The following STXBP5L variants were observed in gnomAD, a reference collection of about 807,000 sequenced individuals.
STXBP5L encodes syntaxin binding protein 5L.
Under a neutral mutation model 144.5 loss-of-function variants are expected in STXBP5L, and 65 were observed. That is an observed-to-expected ratio of 0.45 (90% CI 0.37 to 0.55). STXBP5L has a LOEUF of 0.55. Among genes scored for constraint, STXBP5L ranks in the 20% least tolerant of loss-of-function variants. The probability of loss-of-function intolerance (pLI) is 0.00; values close to 1 mark genes in which losing one functional copy is unlikely to be tolerated. For synonymous variants in STXBP5L, 505 were observed against 469.6 expected, an observed-to-expected ratio of 1.08 and a Z score of -0.97; for missense variants, 1,298 against 1,405.5, an observed-to-expected ratio of 0.92 and a Z score of 1.22.
intron 18 of STXBP5L, among the ~76,000 whole-genome samples, chr3:121,276,072 C>CT (rs796511407): frequency 6.7e-5 from 10 of 148,438 alleles, no homozygotes; most frequent in East Asian, 2.0e-4. Context: ...CCCACTCCCC[C>CT]TTTTTTTTTT....
intron 3 of STXBP5L, among the ~76,000 whole-genome samples, chr3:120,979,218 C>T (rs1941465004): frequency 6.6e-6 from 1 of 152,228 alleles, no homozygotes; most frequent in Non-Finnish European, 1.5e-5. Flanking sequence ...AGCTTCCCGG[C>T]TGCTTTGTTT....
chr3:121,203,554 C>T (rs1187550041), intron 9 of STXBP5L, among the ~76,000 whole-genome samples: 1 of 152,068 alleles, frequency 6.6e-6, no homozygotes, highest in Non-Finnish European at 1.5e-5. Context: ...TGTTGTGATA[C>T]ACAACATGAC....
intron 5 of STXBP5L, among the ~76,000 whole-genome samples, chr3:121,057,125 A>G (rs1948517091): frequency 6.6e-6 from 1 of 151,934 alleles, no homozygotes; most frequent in Admixed American, 6.6e-5. Flanking sequence ...AATAAACTAC[A>G]GTTAAATGCA....
intron 20 of STXBP5L, among the ~76,000 whole-genome samples, chr3:121,377,410 T>G (rs920574576): frequency 1.3e-5 from 2 of 151,868 alleles, no homozygotes; most frequent in African/African-American, 4.8e-5. Context: ...ACATACAGAG[T>G]AGGAGAAAAT....
At chr3:121,054,307 C>T (rs1226846118) in intron 5 of STXBP5L, among the ~76,000 whole-genome samples, 1 of 152,046 alleles carries the variant, frequency 6.6e-6, no homozygotes, top group Non-Finnish European at 1.5e-5. Flanking sequence ...TTTATTGTGG[C>T]ACTATTCACA....
At chr3:121,297,253 T>G (rs1205864025) in intron 19 of STXBP5L, among the ~76,000 whole-genome samples, 1 of 150,736 alleles carries the variant, frequency 6.6e-6, no homozygotes, top group Non-Finnish European at 1.5e-5. Flanking sequence ...ATTCCTGATA[T>G]TAGTGATAAT....
chr3:121,386,518 C>T (rs1406623603), intron 22 of STXBP5L, among the ~76,000 whole-genome samples: 4 of 152,138 alleles, frequency 2.6e-5, no homozygotes, highest in Admixed American at 1.3e-4. Context: ...TCATCATTTA[C>T]ATTAGGTATT....
At chr3:121,117,231 C>T (rs1272990866) in intron 6 of STXBP5L, among the ~76,000 whole-genome samples, 1 of 151,392 alleles carries the variant, frequency 6.6e-6, no homozygotes, top group African/African-American at 2.4e-5. Flanking sequence ...ATAATATACA[C>T]ATGATTCAGC....
At chr3:121,161,858 C>T (rs1268943165) in intron 9 of STXBP5L, among the ~76,000 whole-genome samples, 1 of 151,946 alleles carries the variant, frequency 6.6e-6, no homozygotes, top group Non-Finnish European at 1.5e-5. Context: ...CAGGGGTGTC[C>T]ACAATTACCG....
At chr3:121,025,923 T>G (rs904578473) in intron 3 of STXBP5L, among the ~76,000 whole-genome samples, 19 of 119,542 alleles carry the variant, frequency 1.6e-4, no homozygotes, top group Non-Finnish European at 2.8e-4. Context: ...TATAAATATA[T>G]CTATAATTTT....
At chr3:121,112,620 C>G (rs1165711109) in intron 5 of STXBP5L, among the ~76,000 whole-genome samples, 1 of 151,772 alleles carries the variant, frequency 6.6e-6, no homozygotes, top group Non-Finnish European at 1.5e-5. Context: ...TGGTCCCTCC[C>G]GGCAACAATA....
chr3:121,003,014 A>G (rs1943923399), intron 3 of STXBP5L, among the ~76,000 whole-genome samples: 1 of 152,140 alleles, frequency 6.6e-6, no homozygotes, highest in South Asian at 2.1e-4. Context: ...CTCAATAAAC[A>G]TACGTGTGCA....
chr3:120,935,141 T>C (rs1436377441), intron 2 of STXBP5L, among the ~76,000 whole-genome samples: 4 of 151,854 alleles, frequency 2.6e-5, no homozygotes, highest in Non-Finnish European at 5.9e-5. Flanking sequence ...CAATTTTCTC[T>C]CCTCTCTTAT....
chr3:120,980,042 G>C (rs528375348), intron 3 of STXBP5L, among the ~76,000 whole-genome samples: 1 of 152,212 alleles, frequency 6.6e-6, no homozygotes, highest in South Asian at 2.1e-4. Flanking sequence ...GATAGTTTCT[G>C]TTGGTGTTGA....
intron 5 of STXBP5L, among the ~76,000 whole-genome samples, chr3:121,062,201 T>C (rs2041316514): frequency 6.6e-6 from 1 of 152,226 alleles, no homozygotes; most frequent in South Asian, 2.1e-4. Flanking sequence ...TGACAAAATC[T>C]CTCAGCATTT....
At chr3:120,932,927 C>G (rs1710026492) in intron 2 of STXBP5L, among the ~76,000 whole-genome samples, 1 of 151,592 alleles carries the variant, frequency 6.6e-6, no homozygotes, top group Non-Finnish European at 1.5e-5. Context: ...AACCATCATT[C>G]TCAGTAAACT....
At chr3:121,390,765 A>G (rs914303404) in intron 22 of STXBP5L, among the ~76,000 whole-genome samples, 3 of 152,006 alleles carry the variant, frequency 2.0e-5, no homozygotes, top group African/African-American at 7.3e-5. Context: ...TGTTAGTCTG[A>G]TGGGCTTCCA....
chr3:120,968,234 T>A (rs1286289613), intron 3 of STXBP5L, among the ~76,000 whole-genome samples: 3 of 151,212 alleles, frequency 2.0e-5, no homozygotes, highest in African/African-American at 7.4e-5. Context: ...TCACAGTCAG[T>A]CTCTCTCTTT....
intron 22 of STXBP5L, among the ~76,000 whole-genome samples, chr3:121,390,290 T>G (rs1174709786): frequency 6.6e-6 from 1 of 152,164 alleles, no homozygotes; most frequent in Non-Finnish European, 1.5e-5. Context: ...TCTTTGCATG[T>G]GAGATGGGTC....
Sources: allele counts gnomAD v4.1 joint callset (sites outside exome capture counted in the v4.1 genomes callset), GRCh38; gene constraint gnomAD v4.1.1; transcripts MANE v1.5; gene names NCBI Gene and HGNC (gene_info 2026-07-23, HGNC 2026-07-21).